DPP10: variants seen among roughly 807,000 people sequenced by gnomAD.
DPP10 encodes the protein dipeptidyl peptidase like 10.
Under a neutral mutation model 120.9 loss-of-function variants are expected in DPP10, and 33 were observed. The ratio of observed to expected loss-of-function variants is 0.27; its 90% confidence interval spans 0.21 to 0.37. The LOEUF is 0.37. DPP10 is among the 10% of genes least tolerant of loss of function. DPP10 has a pLI of 1.00. For missense variants in DPP10, 816 were observed against 942.8 expected, an observed-to-expected ratio of 0.87 and a Z score of 1.76; for synonymous variants, 337 against 326.1, an observed-to-expected ratio of 1.03 and a Z score of -0.36.
intron 2 of DPP10, among the ~76,000 whole-genome samples, chr2:115,329,181 A>T (rs1453655999): frequency 6.6e-6 from 1 of 152,078 alleles, no homozygotes; most frequent in Admixed American, 6.6e-5. Context: ...TTCATTTGTC[A>T]GCTGTCCTCC....
intron 1 of DPP10, among the ~76,000 whole-genome samples, chr2:114,549,684 AAGAG>A (rs201802986): frequency 1.9e-4 from 13 of 69,148 alleles, no homozygotes; most frequent in African/African-American, 4.6e-4. Flanking sequence ...AAAAAAAAAA[AAGAG>A]AGAGAGAAAT....
chr2:115,661,392 A>G (rs1469709631), intron 5 of DPP10, among the ~76,000 whole-genome samples: 2 of 152,324 alleles, frequency 1.3e-5, no homozygotes, highest in African/African-American at 2.4e-5. Flanking sequence ...TAGACTACCA[A>G]TCATCTGAAC....
At chr2:115,092,797 C>T (rs930348796) in intron 1 of DPP10, among the ~76,000 whole-genome samples, 1 of 151,974 alleles carries the variant, frequency 6.6e-6, no homozygotes, top group Non-Finnish European at 1.5e-5. Flanking sequence ...AAAGCAAATA[C>T]AATAATAAGT....
chr2:114,812,316 A>G (rs751930839), intron 1 of DPP10, among the ~76,000 whole-genome samples: 1 of 152,088 alleles, frequency 6.6e-6, no homozygotes, highest in Non-Finnish European at 1.5e-5. Flanking sequence ...AAGAATTGTA[A>G]CTAGGCTGGT....
intron 1 of DPP10, among the ~76,000 whole-genome samples, chr2:115,202,844 T>C (rs2055836595): frequency 6.6e-6 from 1 of 152,174 alleles, no homozygotes; most frequent in Non-Finnish European, 1.5e-5. Flanking sequence ...CATATCGGCA[T>C]AGTTTTAGAA....
intron 1 of DPP10, among the ~76,000 whole-genome samples, chr2:115,012,603 C>T (rs1427834485): frequency 3.9e-5 from 6 of 152,158 alleles, no homozygotes; most frequent in Non-Finnish European, 7.3e-5. Flanking sequence ...TATAGTTTGG[C>T]TCACAGGAAG....
chr2:114,807,389 T>G (rs1440100978), intron 1 of DPP10, among the ~76,000 whole-genome samples: 1 of 152,200 alleles, frequency 6.6e-6, no homozygotes, highest in Non-Finnish European at 1.5e-5. Context: ...ACATTTATTT[T>G]GTCCTTTTGT....
At chr2:114,859,315 C>A (rs1689624449) in intron 1 of DPP10, among the ~76,000 whole-genome samples, 1 of 150,896 alleles carries the variant, frequency 6.6e-6, no homozygotes, top group East Asian at 1.9e-4. Flanking sequence ...TAGCAGCGAG[C>A]CAAGATCGTG....
intron 1 of DPP10, among the ~76,000 whole-genome samples, chr2:115,171,290 G>C (rs2053305352): frequency 6.6e-6 from 1 of 150,560 alleles, no homozygotes; most frequent in South Asian, 2.1e-4. Flanking sequence ...GAACCCAGGA[G>C]GCAGAGGTTG....
intron 5 of DPP10, among the ~76,000 whole-genome samples, chr2:115,560,727 G>T (rs936157557): frequency 6.6e-6 from 1 of 151,670 alleles, no homozygotes; most frequent in African/African-American, 2.4e-5. Context: ...CTAGCAAAGT[G>T]ATACTGTTAG....
At chr2:114,448,307 A>G (rs1225885510) in intron 1 of DPP10, among the ~76,000 whole-genome samples, 4 of 152,134 alleles carry the variant, frequency 2.6e-5, no homozygotes, top group Non-Finnish European at 5.9e-5. Context: ...TTTAGTATTT[A>G]TTTTATTCTT....
chr2:115,469,070 C>T (rs533670183), intron 3 of DPP10: 12 of 176,936 alleles, frequency 6.8e-5, no homozygotes, highest in Admixed American at 2.5e-4. Flanking sequence ...GGATTACAGG[C>T]GTGCACCACC....
At chr2:115,014,717 A>G (rs966944444) in intron 1 of DPP10, among the ~76,000 whole-genome samples, 1 of 152,142 alleles carries the variant, frequency 6.6e-6, no homozygotes, top group African/African-American at 2.4e-5. Flanking sequence ...AAACACCTCT[A>G]TGCAAATAAA....
rs1553458469 is a variant in DPP10, at chr2:114,942,300, T to TATATATATATATATATATATATAC, written c.61-366918_61-366917insTACATATATATATATATATATATA. Among the ~76,000 whole-genome samples the TATATATATATATATATATATATAC allele has an allele frequency of 4.9e-3, 536 of 110,488 alleles. 6 individuals carry two copies. The highest frequency in any genetic ancestry group is 0.036 in the East Asian group (129 of 3,536). 72.5% of individuals were successfully genotyped at this position (110,488 alleles called of 152,430 possible). A position where few individuals can be genotyped will look rare whatever the true frequency, so the allele number is the denominator to read the frequency against. ...AAAAAAAAATGTGTATATATATACA[T>TATATATATATATATATATATATAC]ATATATATATATATATATATACACA... is the stretch of plus-strand genomic sequence containing the variant. On this transcript the variant is annotated intron_variant, in intron 1 of 25. Transcript: ENST00000410059.
chr2:115,325,894 T>G (rs2062333883), intron 2 of DPP10, among the ~76,000 whole-genome samples: 1 of 152,142 alleles, frequency 6.6e-6, no homozygotes, highest in African/African-American at 2.4e-5. Context: ...TAAAGACACA[T>G]AGTCAGAAAT....
chr2:115,229,398 T>C (rs2057616168), intron 1 of DPP10, among the ~76,000 whole-genome samples: 1 of 152,172 alleles, frequency 6.6e-6, no homozygotes. Context: ...CATTTGTCCA[T>C]CTTTGCTTTC....
At chr2:115,273,205 A>T (rs980346217) in intron 1 of DPP10, among the ~76,000 whole-genome samples, 1 of 152,156 alleles carries the variant, frequency 6.6e-6, no homozygotes, top group East Asian at 1.9e-4. Flanking sequence ...TTTCTAAAAG[A>T]CAACATATTT....
chr2:115,162,028 G>A, intron 1 of DPP10: 1 of 1,411,806 alleles, frequency 7.1e-7, no homozygotes. Flanking sequence ...CGGCGGACCA[G>A]GTGAGAGTCG....
chr2:115,790,955 G>GA, intron 17 of DPP10, 126 bp from the exon 18 acceptor site: 2 of 572,656 alleles, frequency 3.5e-6, no homozygotes, highest in Non-Finnish European at 6.0e-6. Context: ...ATTCAAAAGA[G>GA]AAATGATGAG....
Sources: allele counts gnomAD v4.1 joint callset (sites outside exome capture counted in the v4.1 genomes callset), GRCh38; gene constraint gnomAD v4.1.1; transcripts MANE v1.5; gene names NCBI Gene and HGNC (gene_info 2026-07-23, HGNC 2026-07-21).